The following ABCA13 variants were observed in gnomAD, a reference collection of about 807,000 sequenced individuals.
The protein encoded by ABCA13 is ATP-binding cassette sub-family A member 13.
In ABCA13, 476 loss-of-function variants were observed where a neutral mutation model predicts 478.7. The observed-to-expected ratio is 0.99, with a 90% CI of 0.92 to 1.07. The LOEUF (loss-of-function observed/expected upper bound fraction) is 1.07. ABCA13 is among the 50% of genes least tolerant of loss of function. The probability of loss-of-function intolerance (pLI) is 0.00; values close to 1 mark genes in which losing one functional copy is unlikely to be tolerated. For synonymous variants in ABCA13, 2,252 were observed against 2,158.9 expected, an observed-to-expected ratio of 1.04 and a Z score of -1.20; for missense variants, 6,060 against 5,910.6, an observed-to-expected ratio of 1.03 and a Z score of -0.83.
At chr7:48,433,577 G>C (rs948015707) in intron 42 of ABCA13, among the ~76,000 whole-genome samples, 1 of 151,308 alleles carries the variant, frequency 6.6e-6, no homozygotes, top group Non-Finnish European at 1.5e-5. Flanking sequence ...CAGCTCAGTG[G>C]CATTACGCAC....
intron 48 of ABCA13, among the ~76,000 whole-genome samples, chr7:48,497,157 A>C (rs1830350091): frequency 6.6e-6 from 1 of 151,624 alleles, no homozygotes; most frequent in African/African-American, 2.4e-5. Context: ...TTTAGATTGG[A>C]TAAGTTTTAT....
chr7:48,317,230 A>G lies in ABCA13; in HGVS notation c.9933A>G (p.Lys3311=). The change falls in exon 27 of 62, where the codon AAA becomes AAG. Residue 3311 remains lysine, a synonymous_variant. Transcript: ENST00000435803. ...PNGALVWTFL[K]PILHGKILYT... The stretch of plus-strand genomic sequence containing the variant: ...GTGCTTTGGTGTGGACCTTCCTAAA[A>G]CCCATATTGCATGGAAAAATACTAT... 2 of 1,613,722 alleles carry G rather than the reference A, an allele frequency of 1.2e-6. No homozygotes were observed. Among genetic ancestry groups the G allele is most frequent in the Non-Finnish European group, 1.7e-6 (2 of 1,179,834 alleles).
At chr7:48,375,438 G>T (rs2129033651) in intron 34 of ABCA13, among the ~76,000 whole-genome samples, 1 of 152,260 alleles carries the variant, frequency 6.6e-6, no homozygotes, top group African/African-American at 2.4e-5. Context: ...TGAAGATCAA[G>T]ATCCAGAAAT....
At chr7:48,312,793 A>C (rs1003445105) in intron 24 of ABCA13, among the ~76,000 whole-genome samples, 3 of 152,250 alleles carry the variant, frequency 2.0e-5, no homozygotes, top group Non-Finnish European at 2.9e-5. Context: ...AGATACAAAG[A>C]AATATTTGGC....
intron 27 of ABCA13, among the ~76,000 whole-genome samples, chr7:48,331,049 GAATAAGGAGGGAAGAGGGTGATAT>G (rs1276883040): frequency 2.0e-5 from 3 of 152,078 alleles, no homozygotes; most frequent in African/African-American, 7.2e-5. Flanking sequence ...AAAAAGGTCT[GAATAAGGAGGGAAGAGGGTGATAT>G]AACTAAGAAA....
Position 48,234,742 on chromosome 7 carries a change from A to G in ABCA13, c.897+591A>G, listed in dbSNP as rs569637019. Among the ~76,000 whole-genome samples, 99 of 152,246 alleles carry G rather than the reference A, an allele frequency of 6.5e-4. 1 individual carries two copies. The highest frequency in any genetic ancestry group is 2.8e-3 in the Admixed American group (43 of 15,290). The stretch of plus-strand genomic sequence containing the variant: ...AGAGTCCCTTTTGTCACTCCAGCCC[A>G]TTTGTAGGCACTTCTGCTTTGCATG... On this transcript the variant is annotated intron_variant, in intron 8 of 61. Transcript: ENST00000435803.
In ABCA13 at chr7:48,644,589, CTTTTTTTTTT is replaced by C. The variant is rs71006572; in HGVS notation, c.14944-18_14944-9del. On this transcript the variant is annotated intron_variant, in intron 60 of 61. Coordinates refer to ENST00000435803, the MANE Select transcript of ABCA13 (RefSeq NM_152701.5). ...GTTTAATAATGCTAGTTATATGATA[CTTTTTTTTTT>C]TTTTTTTTTGCTTTTAGGGACAGCA... The C allele has an allele frequency of 1.4e-4, 191 of 1,413,314 alleles. 2 individuals carry two copies. In the African/African-American group the frequency reaches 2.8e-3, roughly 20 times the overall value. The allele number at this position is 1,413,314 out of a possible 1,614,324, so 87.5% of individuals were successfully genotyped here. A position where few individuals can be genotyped will look rare whatever the true frequency, so the allele number is the denominator to read the frequency against.
At chr7:48,508,168 G>A (rs1355681543) in intron 50 of ABCA13, 119 bp downstream of exon 50, 1 of 1,232,628 alleles carries the variant, frequency 8.1e-7, no homozygotes, top group African/African-American at 1.5e-5. Flanking sequence ...ACAAAAAGGG[G>A]TCATCTTATT....
At position 48,241,029 on chromosome 7, in the gene ABCA13, G is replaced by T; in HGVS notation, c.1225G>T (p.Ala409Ser). Reference protein sequence around the residue: ...ALLLLNDSLSADGPKDNHTFP... With the variant: ...ALLLLNDSLSSDGPKDNHTFP... Reference sequence around the variant, plus strand: ...GCTCCTGCTGAATGACAGCTTGTCAGCAGATGGCCCAAAAGATAATCATAC... The same window carrying T: ...GCTCCTGCTGAATGACAGCTTGTCATCAGATGGCCCAAAAGATAATCATAC... The change falls in exon 10 of 62, where the codon GCA (alanine) becomes TCA (serine). Residue 409 changes from alanine (A) to serine (S), a missense_variant. This residue lies in a region of ABCA13 where 4,423 missense variants were observed against 4,309.1 expected (regional missense o/e 1.03). Coordinates refer to ENST00000435803, the MANE Select transcript of ABCA13 (RefSeq NM_152701.5). 1 of 1,614,026 alleles carries T rather than the reference G, an allele frequency of 6.2e-7. No individual in the cohort carries two copies. Among genetic ancestry groups the T allele is most frequent in the Non-Finnish European group, 8.5e-7 (1 of 1,179,894 alleles).
intron 50 of ABCA13, among the ~76,000 whole-genome samples, 189 bp downstream of exon 50, chr7:48,508,238 G>T (rs1831382799): frequency 6.6e-6 from 1 of 152,088 alleles, no homozygotes; most frequent in Non-Finnish European, 1.5e-5. Flanking sequence ...GTTCATAAGG[G>T]GAAGACTGAT....
chr7:48,529,328 C>A (rs1312894866), intron 55 of ABCA13, among the ~76,000 whole-genome samples: 1 of 152,184 alleles, frequency 6.6e-6, no homozygotes, highest in Non-Finnish European at 1.5e-5. Context: ...TCTCCACATA[C>A]CACTCCTGTG....
At position 48,273,796 on chromosome 7, in the gene ABCA13, C is replaced by T. The variant is rs527278126; in HGVS notation, c.4130C>T (p.Thr1377Met). Residue 1377 changes from threonine (T) to methionine (M), a missense_variant, in exon 17 of 62, where the codon ACG becomes ATG. Coordinates refer to ENST00000435803, the MANE Select transcript of ABCA13 (RefSeq NM_152701.5). ...CAGAGGATGTTACGTATTCTAGACA[C>T]GTTAAATTCCACATTTTCCTCTGAG... is the stretch of plus-strand genomic sequence containing the variant. ...TSQRMLRILD[T>M]LNSTFSSENT... is the part of the protein sequence containing the mutation. 5.6e-5 allele frequency: 91 copies of T among 1,611,242 alleles called. No homozygotes were observed. The highest frequency in any genetic ancestry group is 1.2e-4 in the African/African-American group (9 of 74,974).
chr7:48,312,476 A>G, intron 24 of ABCA13, among the ~76,000 whole-genome samples: 1 of 152,194 alleles, frequency 6.6e-6, no homozygotes, highest in East Asian at 1.9e-4. Context: ...AATACAGAGC[A>G]TTTCAGTTGG....
chr7:48,233,495 A>G lies in ABCA13; in HGVS notation c.764-523A>G, dbSNP rs975130131. 3.3e-5 allele frequency among the ~76,000 whole-genome samples: 5 copies of G among 152,152 alleles called. No homozygotes were observed. In the East Asian group the frequency reaches 9.6e-4, roughly 29 times the overall value. ...AGCTCATGAATTTTATATGTTGATA[A>G]CTTGAGTTAGGGGAACTTTTTCTTA... is the stretch of plus-strand genomic sequence containing the variant. On this transcript the variant is annotated intron_variant, in intron 7 of 61. Coordinates refer to ENST00000435803, the MANE Select transcript of ABCA13 (RefSeq NM_152701.5).
intron 41 of ABCA13, among the ~76,000 whole-genome samples, chr7:48,423,187 G>T (rs1206648701): frequency 6.6e-6 from 1 of 152,212 alleles, no homozygotes; most frequent in Non-Finnish European, 1.5e-5. Flanking sequence ...GAGAGCAGTT[G>T]CTAGTACCTC....
At chr7:48,292,253 T>A (rs1443957050) in intron 20 of ABCA13, among the ~76,000 whole-genome samples, 1 of 152,168 alleles carries the variant, frequency 6.6e-6, no homozygotes, top group Admixed American at 6.5e-5. Flanking sequence ...TTCCCTCAGA[T>A]GCCAGGGACA....
chr7:48,340,610 C>T (rs527379465), intron 29 of ABCA13, among the ~76,000 whole-genome samples: 1 of 152,054 alleles, frequency 6.6e-6, no homozygotes, highest in Non-Finnish European at 1.5e-5. Flanking sequence ...TGTATTTTCA[C>T]AAAAATGATT....
At position 48,276,098 on chromosome 7, in the gene ABCA13, A is replaced by G. The variant is rs1308651486; in HGVS notation, c.6432A>G (p.Thr2144=). Residue 2144 remains threonine (T), a synonymous_variant, in exon 17 of 62, where the codon ACA becomes ACG. Transcript: ENST00000435803. ...ANEDYSRMIE[T]LFIPVTNESS... ...AGGATTACTCCAGAATGATAGAAACATTATTCATTCCTGTGACCAATGAGA... is the reference window on the plus strand; with the variant it reads ...AGGATTACTCCAGAATGATAGAAACGTTATTCATTCCTGTGACCAATGAGA... The G allele has an allele frequency of 1.2e-6, 2 of 1,600,434 alleles. No homozygotes were observed. The highest frequency in any genetic ancestry group is 3.4e-5 in the Admixed American group (2 of 58,442).
intron 55 of ABCA13, among the ~76,000 whole-genome samples, chr7:48,565,779 G>A (rs1016709501): frequency 6.6e-6 from 1 of 152,176 alleles, no homozygotes; most frequent in Non-Finnish European, 1.5e-5. Flanking sequence ...GCTCCCTGAA[G>A]CTGTCTTTGG....
Sources: allele counts gnomAD v4.1 joint callset (sites outside exome capture counted in the v4.1 genomes callset), GRCh38; gene constraint gnomAD v4.1.1; regional missense constraint gnomAD v4.1.1; transcripts MANE v1.5; gene names NCBI Gene and HGNC (gene_info 2026-07-23, HGNC 2026-07-21).